EXD3: variants seen among roughly 807,000 people sequenced by gnomAD.
EXD3 encodes exonuclease 3'-5' domain containing 3, also known as exonuclease mut-7 homolog.
In EXD3, 92 loss-of-function variants were observed where a neutral mutation model predicts 98.0. The observed-to-expected ratio is 0.94, with a 90% CI of 0.79 to 1.12. The LOEUF (loss-of-function observed/expected upper bound fraction) is 1.12, where lower values mean the gene tolerates loss of function less well. Among genes scored for constraint, EXD3 ranks in the 50% most tolerant of loss-of-function variants. The pLI is 0.00. For missense variants in EXD3, 1,222 were observed against 1,191.6 expected (o/e 1.03, Z -0.38); for synonymous variants, 569 against 526.0 (o/e 1.08, Z -1.12).
intron 20 of EXD3, 120 bp downstream of exon 20, chr9:137,309,487 C>A: frequency 1.3e-6 from 1 of 795,610 alleles, no homozygotes. Context: ...CGTCACCTGG[C>A]TGCCACCCTT....
chr9:137,390,662 C>A (rs965887414), intron 2 of EXD3, among the ~76,000 whole-genome samples: 2 of 152,222 alleles, frequency 1.3e-5, no homozygotes, highest in South Asian at 4.1e-4. Flanking sequence ...TGTGGAAGGG[C>A]GTTTTCACGG....
At chr9:137,396,621 C>T (rs1398122101) in intron 1 of EXD3, among the ~76,000 whole-genome samples, 1 of 152,204 alleles carries the variant, frequency 6.6e-6, no homozygotes, top group African/African-American at 2.4e-5. Context: ...CACCTGTCGG[C>T]CAACACGCAC....
At chr9:137,418,122 G>A (rs1310466017) in intron 1 of EXD3, among the ~76,000 whole-genome samples, 1 of 152,156 alleles carries the variant, frequency 6.6e-6, no homozygotes, top group East Asian at 1.9e-4. Context: ...CGAGGCGGGC[G>A]GATCACCTGA....
intron 17 of EXD3, among the ~76,000 whole-genome samples, chr9:137,337,939 C>T (rs377177973): frequency 6.6e-6 from 1 of 152,016 alleles, no homozygotes; most frequent in East Asian, 2.0e-4. Flanking sequence ...AGGCGCCCAC[C>T]ACCATGCCCA....
Position 137,347,962 on chromosome 9 carries a change from G to C in EXD3, c.1998+109C>G. 1 of 1,311,750 alleles carries C rather than the reference G, an allele frequency of 7.6e-7. No homozygotes were observed. The highest frequency in any genetic ancestry group is 1.0e-6 in the Non-Finnish European group (1 of 967,858). 81.3% of individuals were successfully genotyped at this position (1,311,750 alleles called of 1,614,324 possible). A position where few individuals can be genotyped will look rare whatever the true frequency, so the allele number is the denominator to read the frequency against. On this transcript the variant is annotated intron_variant, in intron 17 of 21. Transcript: ENST00000340951. This position sits in a 1 kb window ranked among gnomAD's most constrained non-coding sequence, Gnocchi z 4.2. The stretch of plus-strand genomic sequence containing the variant: ...TTCCCAGAGCCTGCCTGGCACAGCT[G>C]GCAGCCATGGATGAGCTGGAGGGAG...
chr9:137,411,710 G>A (rs1838009698), intron 1 of EXD3, among the ~76,000 whole-genome samples: 1 of 139,918 alleles, frequency 7.1e-6, no homozygotes, highest in Admixed American at 7.1e-5. Flanking sequence ...GGAGGTTGGG[G>A]GGAGGGGGAT....
At chr9:137,314,308 C>T (rs1349061007) in intron 19 of EXD3, among the ~76,000 whole-genome samples, 1 of 152,224 alleles carries the variant, frequency 6.6e-6, no homozygotes, top group Non-Finnish European at 1.5e-5. Context: ...CACTGTGAGC[C>T]TCTTCAGAGA....
At chr9:137,368,385 A>C (rs1260854193) in intron 5 of EXD3, among the ~76,000 whole-genome samples, 1 of 152,160 alleles carries the variant, frequency 6.6e-6, no homozygotes, top group Non-Finnish European at 1.5e-5. Flanking sequence ...CGGGCCCCAG[A>C]ACACAATGGT....
chr9:137,378,790 G>A (rs1016545887), intron 3 of EXD3, among the ~76,000 whole-genome samples: 1 of 152,252 alleles, frequency 6.6e-6, no homozygotes, highest in African/African-American at 2.4e-5. Flanking sequence ...GTCCAGAAGT[G>A]GCAAATCCAG....
At chr9:137,399,367 C>G (rs1837377579) in intron 1 of EXD3, among the ~76,000 whole-genome samples, 1 of 152,230 alleles carries the variant, frequency 6.6e-6, no homozygotes, top group African/African-American at 2.4e-5. Flanking sequence ...GCCCTCAGTT[C>G]TGTCCTCAGG....
chr9:137,382,149 C>T (rs1346378379), intron 3 of EXD3, among the ~76,000 whole-genome samples: 1 of 66,990 alleles, frequency 1.5e-5, no homozygotes, highest in East Asian at 3.4e-4. Context: ...GGTGAGGGCG[C>T]GGGGAGGAGG....
chr9:137,327,988 C>A (rs919573131), intron 17 of EXD3, among the ~76,000 whole-genome samples: 7 of 140,896 alleles, frequency 5.0e-5, no homozygotes, highest in Admixed American at 7.3e-5. Context: ...AATATACACC[C>A]ATATGATGAG....
At chr9:137,351,809 C>T (rs934460898) in intron 12 of EXD3, among the ~76,000 whole-genome samples, 2 of 152,242 alleles carry the variant, frequency 1.3e-5, no homozygotes, top group African/African-American at 4.8e-5. Context: ...CCCCACGTCT[C>T]GGGCACCATC....
chr9:137,354,918 C>A (rs1325387714), intron 8 of EXD3, 145 bp from the exon 9 acceptor site: 3 of 783,914 alleles, frequency 3.8e-6, no homozygotes, highest in South Asian at 1.8e-5. Flanking sequence ...CCCCTCCTCA[C>A]CACCTGGGCC....
rs1255703558 is a variant in EXD3, at chr9:137,405,826, C to T, written c.-47-10422G>A. 2.6e-5 allele frequency among the ~76,000 whole-genome samples: 4 copies of T among 152,260 alleles called. No homozygotes were observed. Among genetic ancestry groups the T allele is most frequent in the Admixed American group, 2.6e-4 (4 of 15,294 alleles). On this transcript the variant is annotated intron_variant, in intron 1 of 21. Coordinates refer to ENST00000340951, the MANE Select transcript of EXD3 (RefSeq NM_017820.5). The surrounding 1 kb of genome is among the most constrained non-coding windows in gnomAD (Gnocchi z 4.1). ...CACATGGTCTCCCCGCCCTGCCTACCATCTGCTGCCCTGGAACCCTTGGTG... is the reference window on the plus strand; with the variant it reads ...CACATGGTCTCCCCGCCCTGCCTACTATCTGCTGCCCTGGAACCCTTGGTG...
intron 19 of EXD3, 21 bp downstream of exon 19, chr9:137,323,704 G>A: frequency 2.5e-6 from 4 of 1,609,510 alleles, no homozygotes; most frequent in Non-Finnish European, 3.4e-6. Context: ...CCCCAGGTAG[G>A]ACGGGGTGCG....
intron 14 of EXD3, among the ~76,000 whole-genome samples, chr9:137,350,208 G>A (rs1393577350): frequency 4.3e-5 from 3 of 69,132 alleles, no homozygotes; most frequent in Admixed American, 1.2e-4. Context: ...ATAGAGAGGG[G>A]TGGGGATCAC....
chr9:137,403,584 G>A lies in EXD3; in HGVS notation c.-47-8180C>T, dbSNP rs925852221. ...TCCATTCCCGAGCCCCCCAGTTTTC[G>A]CCTCTCTCCTTCTCTTTGCCCCTAA... On this transcript the variant is annotated intron_variant, in intron 1 of 21. Coordinates refer to ENST00000340951, the MANE Select transcript of EXD3 (RefSeq NM_017820.5). This position sits in a 1 kb window ranked among gnomAD's most constrained non-coding sequence, Gnocchi z 6.1. 2.1e-4 allele frequency among the ~76,000 whole-genome samples: 19 copies of A among 89,460 alleles called. No homozygotes were observed. The highest frequency in any genetic ancestry group is 7.3e-4 in the East Asian group (3 of 4,122). The allele number at this position is 89,460 out of a possible 152,430, so 58.7% of individuals were successfully genotyped here. A position where few individuals can be genotyped will look rare whatever the true frequency, so the allele number is the denominator to read the frequency against.
chr9:137,322,727 A>G (rs368066005), intron 19 of EXD3, among the ~76,000 whole-genome samples: 21 of 54,670 alleles, frequency 3.8e-4, no homozygotes, highest in South Asian at 7.1e-4. Context: ...ACCCCACCCC[A>G]GACCCACGAG....
Sources: gnomAD v4.1 joint callset for allele counts (sites outside exome capture counted in the v4.1 genomes callset) on GRCh38, gnomAD v4.1.1 for gene constraint, Gnocchi (gnomAD v3.1) non-coding constraint, MANE v1.5 for transcripts, NCBI Gene and HGNC (gene_info 2026-07-23, HGNC 2026-07-21) for gene names.